The following LINGO2 variants were observed in gnomAD, a reference collection of about 807,000 sequenced individuals.
The protein encoded by LINGO2 is leucine rich repeat and Ig domain containing 2.
Under a neutral mutation model 30.6 loss-of-function variants are expected in LINGO2, and 14 were observed. The ratio of observed to expected loss-of-function variants is 0.46; its 90% CI spans 0.30 to 0.72. LINGO2 has a LOEUF of 0.72. Ranked by LOEUF, LINGO2 falls within the 30% of genes least tolerant of loss-of-function variation. The pLI is 0.07. For synonymous variants in LINGO2, 317 were observed against 288.5 expected (o/e 1.10, Z -1.00); for missense variants, 729 against 751.7 (o/e 0.97, Z 0.35).
At chr9:29,178,847 G>A in the LINGO2 span, among the ~76,000 whole-genome samples, 7 of 152,118 alleles carry the variant, frequency 4.6e-5, 1 homozygote, top group East Asian at 7.8e-4. Context: ...GAGGAGCTGG[G>A]TTCAGTAATG....
intron 2 of LINGO2, among the ~76,000 whole-genome samples, chr9:28,423,821 C>T (rs1274141454): frequency 6.6e-6 from 1 of 151,868 alleles, no homozygotes; most frequent in East Asian, 1.9e-4. Flanking sequence ...AATCTTTGTT[C>T]GTTTTCAAGA....
intron 5 of LINGO2, among the ~76,000 whole-genome samples, chr9:27,974,608 TTA>T (rs1820509198): frequency 6.6e-6 from 1 of 152,112 alleles, no homozygotes; most frequent in Non-Finnish European, 1.5e-5. Flanking sequence ...TCAGGGCTTG[TTA>T]TAACTTCAAG....
At chr9:28,733,444 C>T in the LINGO2 span, among the ~76,000 whole-genome samples, 4 of 152,074 alleles carry the variant, frequency 2.6e-5, no homozygotes, top group African/African-American at 7.2e-5. Context: ...TTGATGGTGA[C>T]ATTAAGTGAA....
At chr9:28,251,080 A>G (rs1161689870) in intron 4 of LINGO2, among the ~76,000 whole-genome samples, 1 of 152,158 alleles carries the variant, frequency 6.6e-6, no homozygotes, top group Non-Finnish European at 1.5e-5. Context: ...AATTTTCCTT[A>G]ATGTAAAATG....
chr9:28,563,529 A>T (rs963410203), intron 1 of LINGO2, among the ~76,000 whole-genome samples: 1 of 152,186 alleles, frequency 6.6e-6, no homozygotes. Context: ...AACACATGTA[A>T]TCTCAAATTA....
chr9:28,704,527 C>T, the LINGO2 span, among the ~76,000 whole-genome samples: 3 of 151,872 alleles, frequency 2.0e-5, 1 homozygote, highest in South Asian at 6.2e-4. Flanking sequence ...CTCCTTCTGT[C>T]TTCCCATTAT....
chr9:28,590,714 T>C (rs984797061), intron 1 of LINGO2, among the ~76,000 whole-genome samples: 3 of 152,184 alleles, frequency 2.0e-5, no homozygotes, highest in African/African-American at 7.2e-5. Flanking sequence ...TTGGCGGGAC[T>C]GTAAACTAGT....
the LINGO2 span, among the ~76,000 whole-genome samples, chr9:28,886,231 A>G: frequency 6.6e-6 from 1 of 152,160 alleles, no homozygotes; most frequent in Non-Finnish European, 1.5e-5. Context: ...AATTGCAGAG[A>G]AGATAAAACA....
chr9:28,353,061 C>T (rs1323120737), intron 3 of LINGO2, among the ~76,000 whole-genome samples: 1 of 150,784 alleles, frequency 6.6e-6, no homozygotes, highest in Non-Finnish European at 1.5e-5. Context: ...AGAAGAAAAC[C>T]TAGGCATTAC....
the LINGO2 span, among the ~76,000 whole-genome samples, chr9:29,053,303 T>C: frequency 2.6e-5 from 4 of 152,190 alleles, no homozygotes; most frequent in Admixed American, 2.6e-4. Context: ...TTTAATGGCA[T>C]ATATGGATAG....
chr9:29,050,119 G>C, the LINGO2 span, among the ~76,000 whole-genome samples: 3 of 151,890 alleles, frequency 2.0e-5, no homozygotes, highest in African/African-American at 7.3e-5. Context: ...TCTGCCTCCT[G>C]AGTTCAAGCA....
intron 1 of LINGO2, among the ~76,000 whole-genome samples, chr9:28,548,729 A>AT (rs1822096693): frequency 3.6e-5 from 5 of 140,324 alleles, no homozygotes; most frequent in South Asian, 2.3e-4. Flanking sequence ...AAAAAAAAAA[A>AT]ATATTTGATT....
chr9:28,094,155 G>A (rs549760308), intron 4 of LINGO2, among the ~76,000 whole-genome samples: 3 of 152,196 alleles, frequency 2.0e-5, no homozygotes, highest in Non-Finnish European at 4.4e-5. Context: ...GTGGTATAAT[G>A]AGGGTAACCT....
chr9:29,031,463 A>C, the LINGO2 span, among the ~76,000 whole-genome samples: 1 of 151,960 alleles, frequency 6.6e-6, no homozygotes, highest in Non-Finnish European at 1.5e-5. Flanking sequence ...CTGTATTTTT[A>C]GTAGAGACAG....
the LINGO2 span, among the ~76,000 whole-genome samples, chr9:29,158,778 G>C: frequency 6.6e-6 from 1 of 152,000 alleles, no homozygotes; most frequent in Admixed American, 6.6e-5. Context: ...GTGTATGAGA[G>C]AGAGAGAGAG....
At chr9:28,365,385 A>G (rs1820622520) in intron 3 of LINGO2, among the ~76,000 whole-genome samples, 1 of 152,216 alleles carries the variant, frequency 6.6e-6, no homozygotes, top group Admixed American at 6.5e-5. Flanking sequence ...GGTAACCAAT[A>G]GAAATATGAC....
chr9:28,242,891 A>T (rs1821851592), intron 4 of LINGO2, among the ~76,000 whole-genome samples: 1 of 152,214 alleles, frequency 6.6e-6, no homozygotes, highest in Admixed American at 6.5e-5. Flanking sequence ...TAAGTGAAGG[A>T]GAAATAAAAT....
At chr9:29,194,450 C>T in the LINGO2 span, among the ~76,000 whole-genome samples, 3 of 152,324 alleles carry the variant, frequency 2.0e-5, no homozygotes, top group Non-Finnish European at 2.9e-5. Flanking sequence ...CAGACCAGGA[C>T]ATCCTGTTCC....
chr9:28,380,280 G>A (rs1033950062), intron 2 of LINGO2, among the ~76,000 whole-genome samples: 4 of 151,914 alleles, frequency 2.6e-5, no homozygotes, highest in African/African-American at 9.7e-5. Flanking sequence ...GAAACAGTCT[G>A]TTTCTTAGCC....
Sources: allele counts gnomAD v4.1 joint callset (sites outside exome capture counted in the v4.1 genomes callset), GRCh38; gene constraint gnomAD v4.1.1; transcripts MANE v1.5; gene names NCBI Gene and HGNC (gene_info 2026-07-23, HGNC 2026-07-21).